DIAPH2: variants seen among roughly 807,000 people sequenced by gnomAD.
DIAPH2 encodes the protein protein diaphanous homolog 2.
DIAPH2 carries 35 observed loss-of-function variants against 92.7 expected under a neutral mutation model. The ratio of observed to expected loss-of-function variants is 0.38; its 90% CI spans 0.29 to 0.50. The LOEUF is 0.50. Ranked by LOEUF, DIAPH2 falls within the 20% of genes least tolerant of loss-of-function variation. The pLI, the probability that DIAPH2 is intolerant of heterozygous loss-of-function variation, is 0.94. For missense variants in DIAPH2, 701 were observed against 819.5 expected, an observed-to-expected ratio of 0.86 and a Z score of 1.77; for synonymous variants, 301 against 280.4, an observed-to-expected ratio of 1.07 and a Z score of -0.73.
intron 22 of DIAPH2, among the ~76,000 whole-genome samples, chrX:97,151,983 C>T (rs968981593): frequency 1.8e-5 from 2 of 111,437 alleles, no homozygotes; most frequent in South Asian, 7.5e-4. Flanking sequence ...GCTGCCACAG[C>T]AGAATCATAA....
At chrX:97,355,088 C>A (rs912216595) in intron 24 of DIAPH2, among the ~76,000 whole-genome samples, 8 of 111,733 alleles carry the variant, frequency 7.2e-5, no homozygotes, top group African/African-American at 2.3e-4. Flanking sequence ...TCTGAGAGCT[C>A]CCTGTGTAGC....
chrX:97,387,081 T>A (rs1413049619), intron 25 of DIAPH2, among the ~76,000 whole-genome samples: 1 of 111,700 alleles, frequency 9.0e-6, no homozygotes, highest in Non-Finnish European at 1.9e-5. Context: ...TTGTTTTTGT[T>A]TGAGACAGGG....
intron 26 of DIAPH2, among the ~76,000 whole-genome samples, chrX:97,563,038 A>AT (rs764686013): frequency 1.8e-5 from 2 of 112,045 alleles, no homozygotes; most frequent in Admixed American, 9.5e-5. Flanking sequence ...CTGCTAATTG[A>AT]TTTTTTTTCT....
At position 97,359,721 on chromosome X, in the gene DIAPH2, G is replaced by A. The variant is rs762382321; in HGVS notation, c.3009+11441G>A. Among the ~76,000 whole-genome samples the A allele has an allele frequency of 2.8e-5, 3 of 108,284 alleles. No individual in the cohort carries two copies. The South Asian group carries it at 1.3e-3, about 45-fold the overall frequency. 94.0% of individuals were successfully genotyped at this position (108,284 alleles called of 115,157 possible). ...GCCTCCCAAGTAGCTGGGATTACAG[G>A]CACCTGCCACCACGCCTGGCTAATT... On this transcript the variant is annotated intron_variant, in intron 24 of 26. Transcript: ENST00000324765.
At chrX:96,745,926 T>C (rs1416542130) in intron 3 of DIAPH2, among the ~76,000 whole-genome samples, 1 of 112,286 alleles carries the variant, frequency 8.9e-6, no homozygotes, top group Non-Finnish European at 1.9e-5. Context: ...TTTATTTTTT[T>C]GTTTAGAGAC....
intron 22 of DIAPH2, 60 bp downstream of exon 22, chrX:97,141,854 T>C: frequency 9.3e-7 from 1 of 1,077,032 alleles, no homozygotes; most frequent in East Asian, 3.2e-5. Flanking sequence ...AATGGAACAA[T>C]TAAAGAATCT....
chrX:97,486,677 C>T (rs2070690790), intron 26 of DIAPH2, among the ~76,000 whole-genome samples: 1 of 111,771 alleles, frequency 8.9e-6, no homozygotes, highest in African/African-American at 3.3e-5. Context: ...TAGCCCAGTG[C>T]AAGTAGGTAG....
At chrX:97,353,675 A>C (rs1231319969) in intron 24 of DIAPH2, among the ~76,000 whole-genome samples, 1 of 110,716 alleles carries the variant, frequency 9.0e-6, no homozygotes, top group Non-Finnish European at 1.9e-5. Flanking sequence ...CCTCAACAAA[A>C]TCAGTATGTG....
chrX:97,318,839 A>G (rs1458136269), intron 23 of DIAPH2, among the ~76,000 whole-genome samples: 1 of 111,369 alleles, frequency 9.0e-6, no homozygotes, highest in Non-Finnish European at 1.9e-5. Flanking sequence ...ATCACCCAAA[A>G]TTGGAGAAAG....
chrX:97,038,687 A>G (rs1281508452), intron 17 of DIAPH2, among the ~76,000 whole-genome samples: 2 of 109,323 alleles, frequency 1.8e-5, no homozygotes, highest in African/African-American at 6.6e-5. Context: ...TTGTCGCTTT[A>G]ATTTTCATTT....
At chrX:97,044,591 A>G (rs1036652833) in intron 17 of DIAPH2, among the ~76,000 whole-genome samples, 1 of 111,152 alleles carries the variant, frequency 9.0e-6, no homozygotes, top group African/African-American at 3.3e-5. Flanking sequence ...TGGAAGAGCA[A>G]TCTGTCCACT....
chrX:96,778,582 GC>G (rs1184824488), intron 4 of DIAPH2, among the ~76,000 whole-genome samples: 2 of 110,381 alleles, frequency 1.8e-5, no homozygotes, highest in Non-Finnish European at 3.8e-5. Context: ...CTAATATAGA[GC>G]CCGTATTCAA....
intron 26 of DIAPH2, among the ~76,000 whole-genome samples, chrX:97,466,342 A>G (rs765397321): frequency 8.9e-6 from 1 of 112,018 alleles, no homozygotes. Flanking sequence ...TAGGTTGTTT[A>G]AAAAATCATT....
intron 26 of DIAPH2, chrX:97,453,921 T>G (rs923335603): frequency 1.3e-4 from 15 of 111,813 alleles, no homozygotes; most frequent in African/African-American, 4.9e-4. Context: ...TCTGTAACAT[T>G]GCAGCACAGG....
At position 97,380,330 on chromosome X, in the gene DIAPH2, G is replaced by A. The variant is rs183988945; in HGVS notation, c.3010-3579G>A. On this transcript the variant is annotated intron_variant, in intron 24 of 26. Coordinates refer to ENST00000324765, the MANE Select transcript of DIAPH2 (RefSeq NM_006729.5). ...CCTGTACAATGACAGAATCTAATCA[G>A]TTGGCATTTCCAACCCTGAGAAATA... Among the ~76,000 whole-genome samples the A allele has an allele frequency of 5.6e-3, 628 of 111,396 alleles. 2 individuals are homozygous for A. The highest frequency in any genetic ancestry group is 0.019 in the African/African-American group (596 of 30,690).
chrX:96,714,791 G>T (rs2063940029), intron 1 of DIAPH2, among the ~76,000 whole-genome samples: 1 of 111,907 alleles, frequency 8.9e-6, no homozygotes, highest in Admixed American at 9.5e-5. Context: ...TGATAACTAT[G>T]TTTTGATTTG....
intron 4 of DIAPH2, among the ~76,000 whole-genome samples, chrX:96,785,905 G>A (rs2064453170): frequency 9.0e-6 from 1 of 111,654 alleles, no homozygotes; most frequent in Non-Finnish European, 1.9e-5. Context: ...ATGAGCTTTG[G>A]AGGGGACTAA....
At position 97,167,399 on chromosome X, in the gene DIAPH2, C is replaced by T. The variant is rs775471704; in HGVS notation, c.2719+25605C>T. On this transcript the variant is annotated intron_variant, in intron 22 of 26. Transcript: ENST00000324765. ...CACATTCCATTAACCATCAAAGCAG[C>T]GGTGGGCACTTGAAACATGAGTGGC... Among the ~76,000 whole-genome samples, 11 of 111,314 alleles carry T rather than the reference C, an allele frequency of 9.9e-5. No homozygotes were observed. In the East Asian group the frequency reaches 2.5e-3, roughly 26 times the overall value.
chrX:97,178,466 T>G (rs1166894068), intron 22 of DIAPH2, among the ~76,000 whole-genome samples: 2 of 89,597 alleles, frequency 2.2e-5, no homozygotes, highest in Non-Finnish European at 4.4e-5. Context: ...TTTTTTTTTT[T>G]TTTTGAGACA....
Sources: allele counts gnomAD v4.1 joint callset (sites outside exome capture counted in the v4.1 genomes callset), GRCh38; gene constraint gnomAD v4.1.1; transcripts MANE v1.5; gene names NCBI Gene and HGNC (gene_info 2026-07-23, HGNC 2026-07-21).